LRRC20: variants seen among roughly 807,000 people sequenced by gnomAD.
LRRC20 encodes the protein leucine rich repeat containing 20.
LRRC20 carries 11 observed loss-of-function variants against 14.4 expected under a neutral mutation model. The ratio of observed to expected loss-of-function variants is 0.77; its 90% confidence interval spans 0.48 to 1.27. The LOEUF (loss-of-function observed/expected upper bound fraction) is 1.27. LRRC20 is among the 50% of genes most tolerant of loss of function. LRRC20 has a pLI of 0.00. For missense variants in LRRC20, 219 were observed against 251.2 expected (o/e 0.87, Z 0.87); for synonymous variants, 121 against 107.3 (o/e 1.13, Z -0.79).
At chr10:70,312,058 TG>T (rs2136899829) in intron 4 of LRRC20, among the ~76,000 whole-genome samples, 1 of 152,270 alleles carries the variant, frequency 6.6e-6, no homozygotes, top group Admixed American at 6.5e-5. Context: ...GTGCCCACAG[TG>T]GGACCCTGTG....
intron 4 of LRRC20, among the ~76,000 whole-genome samples, chr10:70,318,451 T>C (rs1841952743): frequency 6.6e-6 from 1 of 152,198 alleles, no homozygotes. Context: ...CACAGATACT[T>C]TTCCTCTTAA....
At chr10:70,324,061 G>A in intron 3 of LRRC20, 31 bp from the exon 4 acceptor site, 1 of 1,608,862 alleles carries the variant, frequency 6.2e-7, no homozygotes, top group Non-Finnish European at 8.5e-7. Flanking sequence ...GAGAGAACAG[G>A]ATGAGGAGGG....
At chr10:70,327,166 T>C (rs1842360071) in intron 3 of LRRC20, among the ~76,000 whole-genome samples, 1 of 152,246 alleles carries the variant, frequency 6.6e-6, no homozygotes, top group African/African-American at 2.4e-5. Context: ...TGATGGTTAA[T>C]TTTATTTATC....
At chr10:70,373,855 C>A (rs1844400384) in intron 2 of LRRC20, among the ~76,000 whole-genome samples, 1 of 152,214 alleles carries the variant, frequency 6.6e-6, no homozygotes, top group Admixed American at 6.5e-5. Flanking sequence ...GCAGGGTGGC[C>A]AGAGAACTGC....
chr10:70,304,756 T>A (rs1841353574), intron 4 of LRRC20, among the ~76,000 whole-genome samples: 1 of 151,968 alleles, frequency 6.6e-6, no homozygotes, highest in Non-Finnish European at 1.5e-5. Flanking sequence ...ATTTGACTAC[T>A]CTAGGTACCT....
At chr10:70,359,923 T>C (rs906471331) in intron 2 of LRRC20, among the ~76,000 whole-genome samples, 4 of 148,482 alleles carry the variant, frequency 2.7e-5, no homozygotes, top group African/African-American at 5.0e-5. Context: ...CTTTTTCTTT[T>C]TTTTTTTTTT....
At chr10:70,376,389 C>A in intron 2 of LRRC20, 63 bp downstream of exon 2, 1 of 1,529,684 alleles carries the variant, frequency 6.5e-7, no homozygotes, top group Non-Finnish European at 9.0e-7. Flanking sequence ...ATCTCTGTTT[C>A]ATTTCTAAGC....
Position 70,340,562 on chromosome 10 carries a change from G to C in LRRC20, c.223C>G (p.Gln75Glu). Residue 75 changes from glutamine (Q) to glutamate (E), a missense_variant, in exon 3 of 5, where the codon CAG (glutamine) becomes GAG (glutamate). Gln to Glu is a conservative substitution (Grantham distance 29, BLOSUM62 2). Transcript: ENST00000446961. The part of the protein sequence containing the change: ...LTSKFMTTFS[Q>E]LRELHLEGNF... ...GCTGACCAGGGCCTACCTCGGAGCTGACTGAATGTGGTCATGAACTTGCTG... is the reference window on the plus strand; with the variant it reads ...GCTGACCAGGGCCTACCTCGGAGCTCACTGAATGTGGTCATGAACTTGCTG... 1 of 1,614,170 alleles carries C rather than the reference G, an allele frequency of 6.2e-7. No homozygotes were observed.
At chr10:70,377,265 G>T (rs565778344) in intron 1 of LRRC20, among the ~76,000 whole-genome samples, 8 of 152,298 alleles carry the variant, frequency 5.3e-5, no homozygotes, top group Admixed American at 3.3e-4. Flanking sequence ...CAAGAAAAGC[G>T]GGCAGGGGCC....
rs184170166 is a variant in LRRC20 at position 70,302,423 on chromosome 10, A to T, written c.401-915T>A. On this transcript the variant is annotated intron_variant, in intron 4 of 4. Coordinates refer to ENST00000446961, the MANE Select transcript of LRRC20 (RefSeq NM_001278212.2). Reference sequence around the variant, plus strand: ...ATAGAGTAGTTGAATTCATAGAAACAGAAAGTAGAACAGAGGTTCCCAGGG... The same window carrying T: ...ATAGAGTAGTTGAATTCATAGAAACTGAAAGTAGAACAGAGGTTCCCAGGG... Among the ~76,000 whole-genome samples the T allele has an allele frequency of 2.0e-5, 3 of 152,352 alleles. No homozygotes were observed. The East Asian group carries it at 5.8e-4, about 29-fold the overall frequency.
intron 1 of LRRC20, 191 bp downstream of exon 1, chr10:70,382,358 C>G (rs923888506): frequency 6.6e-6 from 1 of 152,448 alleles, no homozygotes; most frequent in African/African-American, 2.4e-5. Flanking sequence ...TTGGCACCGC[C>G]AGAGCCTCCG....
intron 4 of LRRC20, among the ~76,000 whole-genome samples, chr10:70,302,774 G>C (rs1243361365): frequency 6.6e-6 from 1 of 150,652 alleles, no homozygotes; most frequent in Admixed American, 6.6e-5. Context: ...GCAGTGGCGC[G>C]ATCTCGACTC....
At position 70,324,752 on chromosome 10, in the gene LRRC20, G is replaced by C. The variant is rs181762190; in HGVS notation, c.233-722C>G. On this transcript the variant is annotated intron_variant, in intron 3 of 4. Transcript: ENST00000446961. ...AGGGCCCTGTGCAGGGAGGAGAGCTGGGGGGCAGGAAGCAAGGGCAGCAGG... is the reference window on the plus strand; with the variant it reads ...AGGGCCCTGTGCAGGGAGGAGAGCTCGGGGGCAGGAAGCAAGGGCAGCAGG... 3.9e-5 allele frequency among the ~76,000 whole-genome samples: 6 copies of C among 152,286 alleles called. No homozygotes were observed. In the South Asian group the frequency reaches 1.0e-3, roughly 26 times the overall value.
At chr10:70,335,046 C>T (rs1401733017) in intron 3 of LRRC20, among the ~76,000 whole-genome samples, 8 of 152,166 alleles carry the variant, frequency 5.3e-5, no homozygotes, top group Non-Finnish European at 8.8e-5. Flanking sequence ...GGCACATCTC[C>T]GAGGTCACCC....
At chr10:70,318,741 G>A (rs1367211852) in intron 4 of LRRC20, among the ~76,000 whole-genome samples, 6 of 131,748 alleles carry the variant, frequency 4.6e-5, no homozygotes, top group African/African-American at 8.6e-5. Flanking sequence ...GTGAGAGATC[G>A]AGACCCCATC....
chr10:70,362,065 A>C (rs777896974), intron 2 of LRRC20, among the ~76,000 whole-genome samples: 4 of 152,194 alleles, frequency 2.6e-5, no homozygotes, highest in Non-Finnish European at 1.5e-5. Context: ...CACGCCTGTA[A>C]TCCCAGCTAC....
chr10:70,326,585 T>C (rs1432726820), intron 3 of LRRC20, among the ~76,000 whole-genome samples: 1 of 152,200 alleles, frequency 6.6e-6, no homozygotes, highest in Non-Finnish European at 1.5e-5. Flanking sequence ...ACAGGTCCAG[T>C]GCTCGCTTCA....
chr10:70,362,355 C>G (rs77677080), intron 2 of LRRC20, among the ~76,000 whole-genome samples: 5,746 of 152,336 alleles, frequency 0.038, 163 homozygotes, highest in East Asian at 0.055. Flanking sequence ...ATGAGGGAAG[C>G]CCCAAGCTAC....
chr10:70,327,579 TAAA>T (rs60686183), intron 3 of LRRC20, among the ~76,000 whole-genome samples: 3 of 144,814 alleles, frequency 2.1e-5, no homozygotes, highest in African/African-American at 2.6e-5. Flanking sequence ...AGACTCTATC[TAAA>T]AAAAAAAAAA....
Sources: gnomAD v4.1 joint callset for allele counts (sites outside exome capture counted in the v4.1 genomes callset) on GRCh38, gnomAD v4.1.1 for gene constraint, MANE v1.5 for transcripts, NCBI Gene and HGNC (gene_info 2026-07-23, HGNC 2026-07-21) for gene names.